TANK: variants seen among roughly 807,000 people sequenced by gnomAD.
The protein encoded by TANK is TRAF family member associated NFKB activator.
In TANK, 15 loss-of-function variants were observed where a neutral mutation model predicts 43.6. The ratio of observed to expected loss-of-function variants is 0.34; its 90% CI spans 0.23 to 0.53. TANK has a LOEUF of 0.53. Ranked by LOEUF, TANK falls within the 20% of genes least tolerant of loss-of-function variation. The pLI is 0.94. For synonymous variants in TANK, 162 were observed against 178.2 expected, an observed-to-expected ratio of 0.91 and a Z score of 0.73; for missense variants, 417 against 498.6, an observed-to-expected ratio of 0.84 and a Z score of 1.56.
At chr2:161,232,790 T>C in intron 7 of TANK, 1 of 1,550,624 alleles carries the variant, frequency 6.4e-7, no homozygotes, top group Non-Finnish European at 8.7e-7. Context: ...CTTTCTATAC[T>C]ACAGCAAGGG....
In TANK at chr2:161,230,987, G is replaced by C. The variant is rs1332171015; in HGVS notation, c.537G>C (p.Val179=). 1 of 1,613,814 alleles carries C rather than the reference G, an allele frequency of 6.2e-7. No homozygotes were observed. The highest frequency in any genetic ancestry group is 1.7e-5 in the Admixed American group (1 of 60,008). ...PDTATETQCS[V]PIQCTDKTDK... is the part of the protein sequence containing the mutation. Reference sequence around the variant, plus strand: ...TCCCTCCAGAAACACAGTGCTCTGTGCCTATACAGTGTACGGATAAAACAG... The same window carrying C: ...TCCCTCCAGAAACACAGTGCTCTGTCCCTATACAGTGTACGGATAAAACAG... Residue 179 remains valine (V), a synonymous_variant, in exon 7 of 8, where the codon GTG becomes GTC. Transcript: ENST00000392749.
intron 2 of TANK, 55 bp from the exon 3 acceptor site, chr2:161,203,432 A>G: frequency 8.5e-7 from 1 of 1,172,188 alleles, no homozygotes. Flanking sequence ...TGGATGGTAA[A>G]TATATGTTCA....
intron 4 of TANK, among the ~76,000 whole-genome samples, chr2:161,210,089 G>A (rs1200728090): frequency 4.6e-5 from 7 of 152,168 alleles, no homozygotes; most frequent in African/African-American, 1.4e-4. Flanking sequence ...TGCAGATTTC[G>A]AATATAGCTA....
intron 1 of TANK, chr2:161,140,060 G>T: frequency 4.7e-6 from 2 of 423,174 alleles, no homozygotes; most frequent in Non-Finnish European, 6.3e-6. Context: ...GTAAAAATTA[G>T]TCTATATTTT....
chr2:161,166,684 G>A (rs1684696168), intron 1 of TANK, among the ~76,000 whole-genome samples: 2 of 152,238 alleles, frequency 1.3e-5, no homozygotes, highest in Non-Finnish European at 2.9e-5. Context: ...CTACTCAGAA[G>A]GCTGAGGTGG....
chr2:161,224,863 T>A, intron 6 of TANK, 117 bp downstream of exon 6: 1 of 576,396 alleles, frequency 1.7e-6, no homozygotes, highest in South Asian at 3.1e-5. Context: ...AATTTACCCC[T>A]CATCCACGTA....
chr2:161,229,305 TG>T (rs1351652400), intron 6 of TANK, among the ~76,000 whole-genome samples: 2 of 152,186 alleles, frequency 1.3e-5, no homozygotes, highest in African/African-American at 4.8e-5. Context: ...GGGCCAGTCA[TG>T]AACAGTCTAA....
Position 161,236,128 on chromosome 2 carries a change from T to C in TANK, c.*610T>C, listed in dbSNP as rs144692838. The C allele has an allele frequency of 1.8e-3, 275 of 151,830 alleles. 1 individual carries two copies. Among genetic ancestry groups the C allele is most frequent in the African/African-American group, 6.3e-3 (262 of 41,386 alleles). 9.4% of individuals were successfully genotyped at this position (151,830 alleles called of 1,614,324 possible). A position where few individuals can be genotyped will look rare whatever the true frequency, so the allele number is the denominator to read the frequency against. ...TAATATACATGGCTTTAATTTTTACTGTGTGTATAGCTACATGATGAAATT... is the reference window on the plus strand; with the variant it reads ...TAATATACATGGCTTTAATTTTTACCGTGTGTATAGCTACATGATGAAATT... On this transcript the variant is annotated 3_prime_UTR_variant, in exon 8 of 8. Transcript: ENST00000392749.
At chr2:161,160,371 T>A, upstream of TANK, 1 of 1,194,126 alleles carries the variant, frequency 8.4e-7, no homozygotes, top group Non-Finnish European at 1.1e-6. Flanking sequence ...AGTTAATGGC[T>A]CCGCGCGCAG....
intron 2 of TANK, among the ~76,000 whole-genome samples, chr2:161,183,029 G>A (rs150133990): frequency 3.3e-5 from 5 of 152,112 alleles, no homozygotes; most frequent in African/African-American, 1.2e-4. Context: ...TACGAGCTAG[G>A]AACCATGGAC....
chr2:161,154,856 T>C (rs1684181266), intron 1 of TANK, among the ~76,000 whole-genome samples: 2 of 151,976 alleles, frequency 1.3e-5, no homozygotes, highest in African/African-American at 4.8e-5. Context: ...ATGATTCTTG[T>C]GCCTCAGCTT....
At chr2:161,195,340 C>G (rs1051305528) in intron 2 of TANK, among the ~76,000 whole-genome samples, 5 of 152,118 alleles carry the variant, frequency 3.3e-5, no homozygotes, top group African/African-American at 4.8e-5. Flanking sequence ...AAACTCTGAT[C>G]AAAGTATCAA....
intron 1 of TANK, among the ~76,000 whole-genome samples, chr2:161,145,830 G>A (rs1372509811): frequency 1.3e-5 from 2 of 151,872 alleles, no homozygotes; most frequent in Non-Finnish European, 2.9e-5. Context: ...GAGTATCTTA[G>A]TGGTGTTCTC....
At position 161,235,421 on chromosome 2, in the gene TANK, G is replaced by T; in HGVS notation, c.1181G>T (p.Arg394Leu). 6.2e-7 allele frequency: 1 copy of T among 1,613,674 alleles called. No individual in the cohort carries two copies. Among genetic ancestry groups the T allele is most frequent in the Non-Finnish European group, 8.5e-7 (1 of 1,179,772 alleles). ...SGTDSELHIP[R>L]VCEFCQAVFP... ...ACAGACTCAGAACTGCATATACCTC[G>T]AGTATGTGAATTCTGTCAAGCAGTT... is the stretch of plus-strand genomic sequence containing the variant. The change falls in exon 8 of 8, where the codon CGA becomes CTA. Residue 394 changes from arginine (R) to leucine (L), a missense_variant. Coordinates refer to ENST00000392749, the MANE Select transcript of TANK (RefSeq NM_001199135.3).
At chr2:161,143,291 C>A (rs957595063) in intron 1 of TANK, among the ~76,000 whole-genome samples, 1 of 152,086 alleles carries the variant, frequency 6.6e-6, no homozygotes, top group African/African-American at 2.4e-5. Flanking sequence ...GACTTCTTCT[C>A]TTCCTATCTG....
intron 7 of TANK, among the ~76,000 whole-genome samples, chr2:161,234,122 A>G (rs1443403259): frequency 6.6e-6 from 1 of 152,194 alleles, no homozygotes; most frequent in Non-Finnish European, 1.5e-5. Flanking sequence ...ATTTACACCA[A>G]TTGTACACAG....
chr2:161,173,408 C>T (rs755713731), intron 1 of TANK, among the ~76,000 whole-genome samples: 8 of 152,134 alleles, frequency 5.3e-5, no homozygotes, highest in South Asian at 4.1e-4. Context: ...TCTCATCTTT[C>T]GGGACTCTGT....
chr2:161,207,021 T>G (rs949791947), intron 4 of TANK, among the ~76,000 whole-genome samples: 29 of 151,868 alleles, frequency 1.9e-4, no homozygotes, highest in Admixed American at 6.6e-5. Context: ...AATAGTTTTG[T>G]TTTTTTTAAT....
intron 2 of TANK, among the ~76,000 whole-genome samples, chr2:161,188,222 A>T (rs1227547888): frequency 6.6e-6 from 1 of 152,104 alleles, no homozygotes; most frequent in Non-Finnish European, 1.5e-5. Flanking sequence ...TAAAAAATAG[A>T]AAAACAATAG....
Sources: allele counts gnomAD v4.1 joint callset (sites outside exome capture counted in the v4.1 genomes callset), GRCh38; gene constraint gnomAD v4.1.1; transcripts MANE v1.5; gene names NCBI Gene and HGNC (gene_info 2026-07-23, HGNC 2026-07-21).